The following NKAIN2 variants were observed in gnomAD, a reference collection of about 807,000 sequenced individuals.
NKAIN2 encodes the protein sodium/potassium transporting ATPase interacting 2, also known as sodium/potassium-transporting ATPase subunit beta-1-interacting protein 2.
In NKAIN2, 14 loss-of-function variants were observed where a neutral mutation model predicts 32.6. The ratio of observed to expected loss-of-function variants is 0.43; its 90% CI spans 0.28 to 0.67. The LOEUF (loss-of-function observed/expected upper bound fraction) is 0.67, where lower values mean the gene tolerates loss of function less well. Ranked by LOEUF, NKAIN2 falls within the 30% of genes least tolerant of loss-of-function variation. The pLI, the probability that NKAIN2 is intolerant of heterozygous loss-of-function variation, is 0.17. For missense variants in NKAIN2, 198 were observed against 258.3 expected (o/e 0.77, Z 1.60); for synonymous variants, 80 against 87.2 (o/e 0.92, Z 0.46).
intron 4 of NKAIN2, among the ~76,000 whole-genome samples, chr6:124,676,649 GA>G (rs1369928586): frequency 1.3e-5 from 2 of 151,936 alleles, no homozygotes; most frequent in Non-Finnish European, 2.9e-5. Flanking sequence ...GCCCAGCCTA[GA>G]ATGCAGTGGC....
intron 4 of NKAIN2, among the ~76,000 whole-genome samples, chr6:124,681,074 C>A (rs1036032559): frequency 6.6e-6 from 1 of 151,880 alleles, no homozygotes; most frequent in Non-Finnish European, 1.5e-5. Flanking sequence ...AGTATAATTT[C>A]TTTGTTTTAT....
chr6:124,219,693 T>C (rs577285630), intron 1 of NKAIN2, among the ~76,000 whole-genome samples: 26 of 152,210 alleles, frequency 1.7e-4, no homozygotes, highest in Middle Eastern at 3.4e-3. Flanking sequence ...TATGATGAAG[T>C]ATTATGAGAA....
intron 1 of NKAIN2, among the ~76,000 whole-genome samples, chr6:124,054,967 A>G (rs1042718596): frequency 6.6e-6 from 1 of 152,114 alleles, no homozygotes; most frequent in African/African-American, 2.4e-5. Context: ...AATATAATTC[A>G]AAGGTAAATG....
intron 2 of NKAIN2, among the ~76,000 whole-genome samples, chr6:124,351,592 A>C (rs1400096601): frequency 6.6e-6 from 1 of 151,554 alleles, no homozygotes; most frequent in Non-Finnish European, 1.5e-5. Flanking sequence ...TTTGAGGATT[A>C]CTGCTATTTT....
At chr6:124,007,960 C>T (rs1256948524) in intron 1 of NKAIN2, among the ~76,000 whole-genome samples, 1 of 152,010 alleles carries the variant, frequency 6.6e-6, no homozygotes, top group Non-Finnish European at 1.5e-5. Context: ...AAGGGGATAA[C>T]AGATCAAAAG....
At chr6:124,610,051 C>A (rs1423629035) in intron 3 of NKAIN2, among the ~76,000 whole-genome samples, 2 of 152,280 alleles carry the variant, frequency 1.3e-5, no homozygotes, top group East Asian at 3.9e-4. Context: ...ACGACCTCCT[C>A]CTCTGTGAAG....
chr6:124,729,169 A>G (rs1296166019), intron 4 of NKAIN2, among the ~76,000 whole-genome samples: 1 of 152,194 alleles, frequency 6.6e-6, no homozygotes, highest in African/African-American at 2.4e-5. Context: ...AACTATTCCA[A>G]TCAATAGAAA....
intron 1 of NKAIN2, among the ~76,000 whole-genome samples, chr6:124,033,683 A>T (rs554799478): frequency 6.6e-6 from 1 of 152,240 alleles, no homozygotes; most frequent in African/African-American, 2.4e-5. Context: ...TTAAAAGCCC[A>T]TTCTGCAACA....
chr6:124,343,191 T>C (rs1798220739), intron 2 of NKAIN2, among the ~76,000 whole-genome samples: 1 of 152,160 alleles, frequency 6.6e-6, no homozygotes, highest in Non-Finnish European at 1.5e-5. Flanking sequence ...ATAGTATTCA[T>C]GGTGTATATG....
chr6:123,886,947 A>G (rs751277238), intron 1 of NKAIN2, among the ~76,000 whole-genome samples: 16 of 152,126 alleles, frequency 1.1e-4, no homozygotes, highest in Non-Finnish European at 2.1e-4. Flanking sequence ...GGTTGAGGCA[A>G]TGTATTGGAA....
At chr6:124,381,560 C>G (rs1772639898) in intron 3 of NKAIN2, among the ~76,000 whole-genome samples, 1 of 152,124 alleles carries the variant, frequency 6.6e-6, no homozygotes, top group African/African-American at 2.4e-5. Context: ...CTAACTAATG[C>G]AAACCCCTGG....
chr6:124,742,040 T>C (rs894726240), intron 4 of NKAIN2, among the ~76,000 whole-genome samples: 8 of 151,922 alleles, frequency 5.3e-5, no homozygotes, highest in Non-Finnish European at 5.9e-5. Context: ...CTCCATCAAC[T>C]CTATGTTTCT....
chr6:124,395,370 A>G (rs1490872355), intron 3 of NKAIN2, among the ~76,000 whole-genome samples: 1 of 152,096 alleles, frequency 6.6e-6, no homozygotes, highest in Non-Finnish European at 1.5e-5. Flanking sequence ...CTGTTATTTC[A>G]TTTACCAAAT....
intron 3 of NKAIN2, among the ~76,000 whole-genome samples, chr6:124,474,906 T>C (rs1486354645): frequency 8.9e-6 from 1 of 112,334 alleles, no homozygotes; most frequent in Non-Finnish European, 2.1e-5. Context: ...TGTATCATAT[T>C]ATATACTATA....
intron 2 of NKAIN2, among the ~76,000 whole-genome samples, chr6:124,291,430 A>G (rs1249598903): frequency 6.6e-6 from 1 of 152,066 alleles, no homozygotes; most frequent in Non-Finnish European, 1.5e-5. Context: ...GCAATTTTGA[A>G]TGAAAAGAGT....
Position 124,008,973 on chromosome 6 carries a change from A to G in NKAIN2, c.54+204719A>G, listed in dbSNP as rs560565304. Among the ~76,000 whole-genome samples the G allele has an allele frequency of 6.6e-5, 10 of 152,252 alleles. No homozygotes were observed. The East Asian group carries it at 1.7e-3, about 26-fold the overall frequency. On this transcript the variant is annotated intron_variant, in intron 1 of 6. Transcript: ENST00000368417. ...GAAAAGGTGATAAACCTCTCATGAG[A>G]TTTGGGCATGTACTTTAAGACGGTA... is the stretch of plus-strand genomic sequence containing the variant.
intron 1 of NKAIN2, among the ~76,000 whole-genome samples, chr6:123,860,292 A>G (rs1775736289): frequency 6.6e-6 from 1 of 152,238 alleles, no homozygotes; most frequent in Admixed American, 6.5e-5. Context: ...GTTAAAAAAA[A>G]TGCTGGGAAT....
At chr6:124,738,394 A>G (rs1229397285) in intron 4 of NKAIN2, among the ~76,000 whole-genome samples, 1 of 151,930 alleles carries the variant, frequency 6.6e-6, no homozygotes, top group Non-Finnish European at 1.5e-5. Context: ...GTGGTTCAAT[A>G]ATGTATAGCT....
chr6:124,590,125 A>C (rs965615001), intron 3 of NKAIN2, among the ~76,000 whole-genome samples: 2 of 152,154 alleles, frequency 1.3e-5, no homozygotes, highest in African/African-American at 2.4e-5. Flanking sequence ...TGGAAACCCA[A>C]AGAGCAAGCT....
Sources: allele counts gnomAD v4.1 joint callset (sites outside exome capture counted in the v4.1 genomes callset), GRCh38; gene constraint gnomAD v4.1.1; transcripts MANE v1.5; gene names NCBI Gene and HGNC (gene_info 2026-07-23, HGNC 2026-07-21).